The following TEK variants were observed in gnomAD, a reference collection of about 807,000 sequenced individuals.
TEK encodes TEK receptor tyrosine kinase, also known as angiopoietin-1 receptor.
A neutral mutation model predicts 131.8 loss-of-function variants in TEK; 43 were observed. The ratio of observed to expected loss-of-function variants is 0.33; its 90% confidence interval spans 0.26 to 0.42. The LOEUF is 0.42. TEK is among the 10% of genes least tolerant of loss of function. The pLI is 1.00. For synonymous variants in TEK, 580 were observed against 491.6 expected (o/e 1.18, Z -2.38); for missense variants, 1,162 against 1,384.4 (o/e 0.84, Z 2.55).
At chr9:27,152,597 C>CCCCT (rs1564062855) in intron 1 of TEK, among the ~76,000 whole-genome samples, 9 of 136,788 alleles carry the variant, frequency 6.6e-5, no homozygotes, top group African/African-American at 2.3e-4. Context: ...GAAGCCCCCC[C>CCCCT]GCCGCAAAAA....
rs1183789133 is a variant in TEK at position 27,206,801 on chromosome 9, T to C, written c.2575+9T>C. On this transcript the variant is annotated intron_variant, in intron 15 of 22. Coordinates refer to ENST00000380036, the MANE Select transcript of TEK (RefSeq NM_000459.5). ...CATCAAAAGAATGAAAGGTCAGTGGTTGACCAGATAGAGTCAGCATTGCGT... is the reference window on the plus strand; with the variant it reads ...CATCAAAAGAATGAAAGGTCAGTGGCTGACCAGATAGAGTCAGCATTGCGT... The C allele has an allele frequency of 6.2e-7, 1 of 1,613,268 alleles. No homozygotes were observed. Among genetic ancestry groups the C allele is most frequent in the Admixed American group, 1.7e-5 (1 of 59,926 alleles).
intron 1 of TEK, among the ~76,000 whole-genome samples, chr9:27,157,289 T>A (rs946254794): frequency 1.3e-5 from 2 of 152,160 alleles, no homozygotes; most frequent in East Asian, 3.8e-4. Context: ...ATGGAGTAAA[T>A]GAGGCCCTGA....
chr9:27,146,718 C>CTTTTTTT (rs1423361120), intron 1 of TEK, among the ~76,000 whole-genome samples: 18 of 129,710 alleles, frequency 1.4e-4, no homozygotes, highest in African/African-American at 5.3e-4. Context: ...TATAAACATT[C>CTTTTTTT]TATTTTTTTT....
At chr9:27,114,613 T>C (rs970308499) in intron 1 of TEK, among the ~76,000 whole-genome samples, 2 of 152,046 alleles carry the variant, frequency 1.3e-5, no homozygotes, top group African/African-American at 2.4e-5. Context: ...TGGTGAAAAG[T>C]AGTGGTAAAA....
At chr9:27,138,000 G>A (rs568745975) in intron 1 of TEK, among the ~76,000 whole-genome samples, 3 of 152,184 alleles carry the variant, frequency 2.0e-5, no homozygotes, top group Non-Finnish European at 4.4e-5. Flanking sequence ...CTGACTTCAG[G>A]AGTGAAGCCG....
At chr9:27,117,726 C>T (rs1001001739) in intron 1 of TEK, among the ~76,000 whole-genome samples, 4 of 152,132 alleles carry the variant, frequency 2.6e-5, no homozygotes, top group Non-Finnish European at 4.4e-5. Flanking sequence ...GCCAGTCAGG[C>T]GTGGGGTTTG....
chr9:27,172,046 C>A (rs1177917275), intron 4 of TEK, among the ~76,000 whole-genome samples: 1 of 152,208 alleles, frequency 6.6e-6, no homozygotes, highest in Non-Finnish European at 1.5e-5. Flanking sequence ...TTTTCCTAAT[C>A]TCTGCTCTCA....
In TEK at chr9:27,212,732, C is replaced by A; in HGVS notation, c.2712C>A (p.Tyr904Ter). ...HRGYLYLAIE[Y>*]APHGNLLDFL... ...GCTACTTGTACCTGGCCATTGAGTA[C>A]GCGCCCCATGGAAACCTTCTGGACT... The change falls in exon 17 of 23, where the codon TAC (tyrosine) becomes TAA (stop). Residue 904 changes from tyrosine (Y) to a stop codon, truncating the protein, a stop_gained. Transcript: ENST00000380036. LOFTEE classifies it high-confidence loss of function. 1 of 1,614,072 alleles carries A rather than the reference C, an allele frequency of 6.2e-7. No individual in the cohort carries two copies.
chr9:27,211,076 C>T (rs548908682), intron 16 of TEK, among the ~76,000 whole-genome samples: 5 of 151,002 alleles, frequency 3.3e-5, no homozygotes, highest in East Asian at 1.9e-4. Context: ...GAGCCGAGAT[C>T]GCACCACTGC....
chr9:27,211,943 A>T (rs554681241), intron 16 of TEK, among the ~76,000 whole-genome samples: 2 of 152,088 alleles, frequency 1.3e-5, no homozygotes, highest in African/African-American at 4.8e-5. Flanking sequence ...TTTATTTTTT[A>T]AAAATTCCAA....
rs1042628209 is a variant in TEK at position 27,217,728 on chromosome 9, A to G, written c.3032A>G (p.Asn1011Ser). The G allele has an allele frequency of 6.2e-7, 1 of 1,613,768 alleles. No individual in the cohort carries two copies. Among genetic ancestry groups the G allele is most frequent in the Non-Finnish European group, 8.5e-7 (1 of 1,179,882 alleles). The change falls in exon 19 of 23, where the codon AAT becomes AGT. Residue 1011 changes from asparagine to serine, a missense_variant. Transcript: ENST00000380036. The stretch of plus-strand genomic sequence containing the variant: ...CGCTGGATGGCCATCGAGTCACTGA[A>G]TTACAGTGTGTACACAACCAACAGT... The part of the protein sequence containing the change: ...PVRWMAIESL[N>S]YSVYTTNSDV...
chr9:27,135,040 C>T (rs999201242), intron 1 of TEK, among the ~76,000 whole-genome samples: 2 of 152,094 alleles, frequency 1.3e-5, no homozygotes, highest in Non-Finnish European at 2.9e-5. Flanking sequence ...GCCTGCCCAA[C>T]ATGGAGAAGT....
chr9:27,229,272 C>T lies in TEK; in HGVS notation c.*40C>T, dbSNP rs372823330. On this transcript the variant is annotated 3_prime_UTR_variant, in exon 23 of 23. Coordinates refer to ENST00000380036, the MANE Select transcript of TEK (RefSeq NM_000459.5). ...ATACCCTCTGTTTCCCTTTCACTGG[C>T]ATGGGAGACCCTTGACACCTGCTGA... The T allele has an allele frequency of 1.5e-5, 23 of 1,585,622 alleles. No individual in the cohort carries two copies. Among genetic ancestry groups the T allele is most frequent in the Non-Finnish European group, 1.9e-5 (22 of 1,154,362 alleles).
In TEK at chr9:27,197,101, G is replaced by A. The variant is rs1455872246; in HGVS notation, c.1625-214G>A. 2.1e-5 allele frequency among the ~76,000 whole-genome samples: 3 copies of A among 146,020 alleles called. No individual in the cohort carries two copies. In the Admixed American group the frequency reaches 2.2e-4, roughly 11 times the overall value. On this transcript the variant is annotated intron_variant, in intron 11 of 22. Coordinates refer to ENST00000380036, the MANE Select transcript of TEK (RefSeq NM_000459.5). ...CCTGTTATATACTTTCAAATGACCA[G>A]ATTTCATCAGAACTCACTCGGTATC...
intron 1 of TEK, among the ~76,000 whole-genome samples, chr9:27,121,015 A>G (rs1030775909): frequency 1.3e-5 from 2 of 152,228 alleles, no homozygotes; most frequent in Non-Finnish European, 2.9e-5. Flanking sequence ...GCTGACGAAG[A>G]AATGCTTTAA....
intron 1 of TEK, among the ~76,000 whole-genome samples, chr9:27,117,401 C>G (rs955057949): frequency 2.0e-5 from 3 of 152,138 alleles, no homozygotes; most frequent in South Asian, 2.1e-4. Context: ...CTATTCTTAC[C>G]CATCTGGCCA....
intron 4 of TEK, among the ~76,000 whole-genome samples, chr9:27,171,096 A>T (rs1823939084): frequency 1.3e-5 from 2 of 152,178 alleles, no homozygotes; most frequent in Admixed American, 6.5e-5. Context: ...TGAAAAATGT[A>T]AGAGTTAGAA....
intron 9 of TEK, among the ~76,000 whole-genome samples, chr9:27,186,021 C>T (rs1267933469): frequency 6.6e-6 from 1 of 152,140 alleles, no homozygotes; most frequent in African/African-American, 2.4e-5. Context: ...TTATATTTCA[C>T]AAGAAGGTTA....
At position 27,169,577 on chromosome 9, in the gene TEK, G is replaced by T; in HGVS notation, c.576G>T (p.Arg192Ser). The T allele has an allele frequency of 6.2e-7, 1 of 1,614,162 alleles. No homozygotes were observed. Among genetic ancestry groups the T allele is most frequent in the African/African-American group, 1.3e-5 (1 of 75,058 alleles). The change falls in exon 4 of 23, where the codon AGG becomes AGT. Residue 192 changes from arginine (R) to serine (S), a missense_variant. By Grantham distance (110) the Arg-to-Ser change is moderately radical. Coordinates refer to ENST00000380036, the MANE Select transcript of TEK (RefSeq NM_000459.5). ...QPQDAGVYSARYIGGNLFTSA... is the reference protein window; with the variant it reads ...QPQDAGVYSASYIGGNLFTSA... ...AGGATGCTGGAGTGTACTCGGCCAGGTATATAGGAGGAAACCTCTTCACCT... is the reference window on the plus strand; with the variant it reads ...AGGATGCTGGAGTGTACTCGGCCAGTTATATAGGAGGAAACCTCTTCACCT...
Sources: gnomAD v4.1 joint callset for allele counts (sites outside exome capture counted in the v4.1 genomes callset) on GRCh38, gnomAD v4.1.1 for gene constraint, MANE v1.5 for transcripts, NCBI Gene and HGNC (gene_info 2026-07-23, HGNC 2026-07-21) for gene names.